MGAT4C: variants seen among roughly 807,000 people sequenced by gnomAD.
MGAT4C encodes the protein MGAT4 family member C, also known as alpha-1,3-mannosyl-glycoprotein 4-beta-N-acetylglucosaminyltransferase C.
In MGAT4C, 19 loss-of-function variants were observed where a neutral mutation model predicts 40.1. The ratio of observed to expected loss-of-function variants is 0.47; its 90% CI spans 0.33 to 0.70. The LOEUF (loss-of-function observed/expected upper bound fraction) is 0.70, where lower values mean the gene tolerates loss of function less well. MGAT4C is among the 30% of genes least tolerant of loss of function. MGAT4C has a pLI of 0.02. For synonymous variants in MGAT4C, 181 were observed against 187.1 expected, an observed-to-expected ratio of 0.97 and a Z score of 0.27; for missense variants, 491 against 563.2, an observed-to-expected ratio of 0.87 and a Z score of 1.30.
chr12:86,257,233 G>T (rs964530444), upstream of MGAT4C, among the ~76,000 whole-genome samples: 31 of 152,114 alleles, frequency 2.0e-4, no homozygotes, highest in African/African-American at 7.5e-4. Flanking sequence ...TTCTCCCCAG[G>T]CTTAAATCCA....
At chr12:86,069,090 A>C (rs1372654370) in intron 1 of MGAT4C, among the ~76,000 whole-genome samples, 1 of 150,078 alleles carries the variant, frequency 6.7e-6, no homozygotes, top group Non-Finnish European at 1.5e-5. Flanking sequence ...CTCAGGGATG[A>C]AAACAGTCAT....
chr12:86,015,969 A>G (rs529893159), intron 2 of MGAT4C: 2 of 152,230 alleles, frequency 1.3e-5, no homozygotes, highest in South Asian at 2.1e-4. Context: ...CTAAACTACT[A>G]TTATTTCACA....
chr12:86,824,276 CA>C (rs1437629242), intron 1 of MGAT4C, among the ~76,000 whole-genome samples: 1 of 151,100 alleles, frequency 6.6e-6, no homozygotes. Flanking sequence ...TTGGCTATGC[CA>C]AAAGGAAGCT....
chr12:86,193,454 T>A (rs1889746802), intron 1 of MGAT4C, among the ~76,000 whole-genome samples: 1 of 152,118 alleles, frequency 6.6e-6, no homozygotes, highest in Non-Finnish European at 1.5e-5. Context: ...AATTTTATAT[T>A]TATCTACCAG....
At chr12:86,193,692 T>C (rs989192701) in intron 1 of MGAT4C, among the ~76,000 whole-genome samples, 2 of 152,166 alleles carry the variant, frequency 1.3e-5, no homozygotes, top group Admixed American at 6.5e-5. Flanking sequence ...CATATTATCT[T>C]CTAGTTTCCA....
At chr12:86,738,437 T>A (rs1951017209) in intron 1 of MGAT4C, among the ~76,000 whole-genome samples, 1 of 151,444 alleles carries the variant, frequency 6.6e-6, no homozygotes, top group African/African-American at 2.4e-5. Flanking sequence ...TTTGTTTTCC[T>A]TCTAGAATAA....
At chr12:86,573,082 G>T (rs757574954) in intron 2 of MGAT4C, among the ~76,000 whole-genome samples, 1 of 151,716 alleles carries the variant, frequency 6.6e-6, no homozygotes, top group Non-Finnish European at 1.5e-5. Flanking sequence ...TTAAAGCAAA[G>T]GCAGTCACCT....
At chr12:85,990,120 T>C (rs1885717567) in intron 2 of MGAT4C, among the ~76,000 whole-genome samples, 1 of 152,100 alleles carries the variant, frequency 6.6e-6, no homozygotes. Flanking sequence ...TTGCTTTGCT[T>C]ATTTTTCCAA....
At chr12:86,117,451 T>C (rs772279983) in intron 1 of MGAT4C, among the ~76,000 whole-genome samples, 5 of 152,184 alleles carry the variant, frequency 3.3e-5, no homozygotes, top group Non-Finnish European at 7.3e-5. Context: ...AATGTTTTTT[T>C]GAAGCTTATA....
intron 2 of MGAT4C, among the ~76,000 whole-genome samples, chr12:86,520,408 T>A (rs1388214758): frequency 6.6e-6 from 1 of 152,190 alleles, no homozygotes; most frequent in Non-Finnish European, 1.5e-5. Flanking sequence ...ATCTCATTCT[T>A]TTTTATGGCT....
chr12:86,237,394 G>A (rs532065639), intron 1 of MGAT4C, among the ~76,000 whole-genome samples: 9 of 151,730 alleles, frequency 5.9e-5, no homozygotes, highest in South Asian at 4.2e-4. Context: ...ACACAGTACC[G>A]AGCATGCTTT....
Position 86,809,559 on chromosome 12 carries a change from T to TA in MGAT4C, c.-262+29106dup, listed in dbSNP as rs398020452. Among the ~76,000 whole-genome samples, 543 of 151,466 alleles carry TA rather than the reference T, an allele frequency of 3.6e-3. 5 individuals carry two copies. The highest frequency in any genetic ancestry group is 0.012 in the African/African-American group (506 of 41,318). On this transcript the variant is annotated intron_variant, in intron 1 of 7. Coordinates refer to the MGAT4C transcript ENST00000548651. ...CCCCTGCATTTGGTATCCTATTTTT[T>TA]AAAAAAAAATTTATTTGCCATTCTG...
intron 2 of MGAT4C, among the ~76,000 whole-genome samples, chr12:86,560,306 A>C (rs1959802043): frequency 6.6e-6 from 1 of 152,026 alleles, no homozygotes; most frequent in Non-Finnish European, 1.5e-5. Context: ...TTACCATGAT[A>C]CCAAAACTAG....
At chr12:86,195,570 G>T (rs530930488) in intron 1 of MGAT4C, among the ~76,000 whole-genome samples, 43 of 152,138 alleles carry the variant, frequency 2.8e-4, no homozygotes, top group African/African-American at 9.6e-4. Flanking sequence ...AGATTTATTT[G>T]TTCTATCCCC....
In MGAT4C at chr12:86,658,895, C is replaced by T. The variant is rs542950400; in HGVS notation, c.-229+68314G>A. Among the ~76,000 whole-genome samples the T allele has an allele frequency of 7.2e-5, 11 of 152,094 alleles. No homozygotes were observed. The South Asian group carries it at 8.3e-4, about 11-fold the overall frequency. ...GGCTTAAGCATCTTCACATTGTTGC[C>T]GAGTTCACATCTTCCCTCTGCCAGG... is the stretch of plus-strand genomic sequence containing the variant. On this transcript the variant is annotated intron_variant, in intron 2 of 7. Transcript: ENST00000548651.
At chr12:86,431,429 C>T (rs1441814377) in intron 3 of MGAT4C, among the ~76,000 whole-genome samples, 1 of 152,130 alleles carries the variant, frequency 6.6e-6, no homozygotes, top group East Asian at 1.9e-4. Flanking sequence ...AAAACCTAAT[C>T]AAATATTTTC....
At chr12:86,131,253 A>G (rs1427282026) in intron 1 of MGAT4C, among the ~76,000 whole-genome samples, 1 of 152,116 alleles carries the variant, frequency 6.6e-6, no homozygotes, top group Non-Finnish European at 1.5e-5. Context: ...GAATACATGG[A>G]TCTAGAAGCT....
At chr12:86,642,389 G>T (rs1299687347) in intron 2 of MGAT4C, among the ~76,000 whole-genome samples, 1 of 151,770 alleles carries the variant, frequency 6.6e-6, no homozygotes, top group Non-Finnish European at 1.5e-5. Flanking sequence ...GTTAGAACAA[G>T]TTATGAACAA....
intron 2 of MGAT4C, among the ~76,000 whole-genome samples, chr12:86,041,632 A>G (rs558951758): frequency 7.9e-5 from 12 of 152,072 alleles, no homozygotes; most frequent in Non-Finnish European, 1.8e-4. Flanking sequence ...CATGGTTTTG[A>G]GTTATCTTCT....
Sources: allele counts gnomAD v4.1 joint callset (sites outside exome capture counted in the v4.1 genomes callset), GRCh38; gene constraint gnomAD v4.1.1; transcripts MANE v1.5; gene names NCBI Gene and HGNC (gene_info 2026-07-23, HGNC 2026-07-21).